PCNX2: variants seen among roughly 807,000 people sequenced by gnomAD.
PCNX2 encodes pecanex-like protein 2.
In PCNX2, 168 loss-of-function variants were observed where a neutral mutation model predicts 223.8. That is an observed-to-expected ratio of 0.75 (90% CI 0.66 to 0.85). The LOEUF is 0.85. PCNX2 is among the 40% of genes least tolerant of loss of function. The pLI is 0.00. For missense variants in PCNX2, 2,507 were observed against 2,675.5 expected, an observed-to-expected ratio of 0.94 and a Z score of 1.39; for synonymous variants, 1,006 against 1,052.6, an observed-to-expected ratio of 0.96 and a Z score of 0.86.
upstream of PCNX2, among the ~76,000 whole-genome samples, chr1:233,298,629 C>T (rs1259636730): frequency 6.6e-6 from 1 of 152,170 alleles, no homozygotes; most frequent in East Asian, 1.9e-4. Context: ...TGGTTCACGC[C>T]TGTAATCCCA....
chr1:233,074,594 C>CAAAAAAAAAA (rs531631109), intron 23 of PCNX2, among the ~76,000 whole-genome samples: 1 of 47,708 alleles, frequency 2.1e-5, no homozygotes, highest in Non-Finnish European at 4.3e-5. Context: ...GACTCCGTCT[C>CAAAAAAAAAA]AAAAAAAAAA....
chr1:233,198,206 AT>A (rs1370058488), intron 15 of PCNX2, among the ~76,000 whole-genome samples: 1 of 152,048 alleles, frequency 6.6e-6, no homozygotes, highest in Non-Finnish European at 1.5e-5. Flanking sequence ...CTATTTCTTG[AT>A]TTTTATTTTC....
At chr1:233,048,162 A>G (rs936458629) in intron 25 of PCNX2, among the ~76,000 whole-genome samples, 2 of 152,340 alleles carry the variant, frequency 1.3e-5, no homozygotes, top group East Asian at 1.9e-4. Context: ...ATCCTTTTAA[A>G]TGAATAAAAA....
chr1:233,002,089 TTTC>T (rs1401948645), intron 28 of PCNX2, among the ~76,000 whole-genome samples: 8 of 152,318 alleles, frequency 5.3e-5, no homozygotes, highest in African/African-American at 9.6e-5. Flanking sequence ...TGCAGGAGAC[TTTC>T]TTCTTCTTCT....
In PCNX2 at chr1:233,028,895, ATG is replaced by A. The variant is rs371830479; in HGVS notation, c.4352-3498_4352-3497del. ...ACTCTGTCGCCCATGCTGGAGTGCA[ATG>A]GTGTGATCTCAGCTCACTGCAACCT... On this transcript the variant is annotated intron_variant, in intron 25 of 33. Transcript: ENST00000258229. Among the ~76,000 whole-genome samples, 64 of 147,656 alleles carry A rather than the reference ATG, an allele frequency of 4.3e-4. No homozygotes were observed. The East Asian group carries it at 0.012, about 29-fold the overall frequency.
chr1:233,155,309 C>T (rs1412361580), intron 19 of PCNX2, among the ~76,000 whole-genome samples: 1 of 152,148 alleles, frequency 6.6e-6, no homozygotes, highest in Non-Finnish European at 1.5e-5. Flanking sequence ...GCCCACATTA[C>T]TGTATGTGTG....
chr1:233,004,402 G>A (rs1401721269), intron 28 of PCNX2, among the ~76,000 whole-genome samples: 2 of 152,074 alleles, frequency 1.3e-5, no homozygotes, highest in African/African-American at 2.4e-5. Context: ...TGAACCTGGG[G>A]AGTAGGTTTG....
At chr1:233,047,224 T>A (rs555500778) in intron 25 of PCNX2, 2 of 341,466 alleles carry the variant, frequency 5.9e-6, no homozygotes, top group South Asian at 1.2e-4. Flanking sequence ...AGCATTGCTA[T>A]CCTAAACCAC....
intron 21 of PCNX2, among the ~76,000 whole-genome samples, chr1:233,129,142 C>T (rs955413058): frequency 1.3e-5 from 2 of 152,242 alleles, no homozygotes; most frequent in Non-Finnish European, 2.9e-5. Context: ...TGGGCGGGAA[C>T]CTGGGCTGTG....
chr1:233,058,244 AACC>A (rs1672262601), intron 23 of PCNX2: 1 of 166,166 alleles, frequency 6.0e-6, no homozygotes, highest in Non-Finnish European at 1.2e-5. Flanking sequence ...CTTTTCAAGT[AACC>A]ACCTATACAG....
intron 21 of PCNX2, among the ~76,000 whole-genome samples, chr1:233,112,659 G>A (rs763006388): frequency 2.0e-5 from 3 of 152,228 alleles, no homozygotes; most frequent in Non-Finnish European, 2.9e-5. Context: ...ATGGGCGTTC[G>A]TAAATACTTC....
chr1:233,050,202 T>C (rs572069487), intron 25 of PCNX2, among the ~76,000 whole-genome samples: 1 of 152,038 alleles, frequency 6.6e-6, no homozygotes, highest in Non-Finnish European at 1.5e-5. Context: ...CAAACCTGCA[T>C]GTTCTGCACA....
At chr1:233,082,295 C>T (rs1673398528) in intron 23 of PCNX2, among the ~76,000 whole-genome samples, 1 of 152,156 alleles carries the variant, frequency 6.6e-6, no homozygotes, top group Non-Finnish European at 1.5e-5. Flanking sequence ...ACTGCTACTA[C>T]TGCTGCTCCA....
At chr1:233,042,507 A>G (rs890667326) in intron 25 of PCNX2, among the ~76,000 whole-genome samples, 5 of 152,228 alleles carry the variant, frequency 3.3e-5, no homozygotes, top group Non-Finnish European at 7.3e-5. Context: ...GCCTCTAGCC[A>G]TGGTATATCT....
intron 21 of PCNX2, among the ~76,000 whole-genome samples, chr1:233,123,171 T>C (rs1190732610): frequency 6.6e-6 from 1 of 152,224 alleles, no homozygotes; most frequent in Non-Finnish European, 1.5e-5. Context: ...ATGACAAATG[T>C]ACCATACAAA....
At chr1:233,127,988 A>C (rs779079032) in intron 21 of PCNX2, among the ~76,000 whole-genome samples, 1 of 152,210 alleles carries the variant, frequency 6.6e-6, no homozygotes, top group Non-Finnish European at 1.5e-5. Context: ...TTAATCCAAG[A>C]CTTTCTATCT....
At chr1:233,172,330 T>G in intron 17 of PCNX2, 1 of 981,246 alleles carries the variant, frequency 1.0e-6, no homozygotes, top group Non-Finnish European at 1.2e-6. Flanking sequence ...GTTTCTGCCA[T>G]GAGGCGTTTC....
At chr1:233,036,960 C>A (rs547999054) in intron 25 of PCNX2, among the ~76,000 whole-genome samples, 1 of 152,296 alleles carries the variant, frequency 6.6e-6, no homozygotes, top group Admixed American at 6.5e-5. Context: ...TTCAGCTTCC[C>A]TGAAACCATC....
chr1:233,217,775 T>A, intron 12 of PCNX2, 124 bp downstream of exon 12: 1 of 959,892 alleles, frequency 1.0e-6, no homozygotes, highest in Non-Finnish European at 1.5e-6. Flanking sequence ...TATTTGATAT[T>A]TCTATTTTAT....
Sources: gnomAD v4.1 joint callset for allele counts (sites outside exome capture counted in the v4.1 genomes callset) on GRCh38, gnomAD v4.1.1 for gene constraint, MANE v1.5 for transcripts, NCBI Gene and HGNC (gene_info 2026-07-23, HGNC 2026-07-21) for gene names.